TEAD1: variants seen among roughly 807,000 people sequenced by gnomAD.
TEAD1 encodes the protein transcriptional enhancer factor TEF-1.
A neutral mutation model predicts 54.9 loss-of-function variants in TEAD1; 9 were observed. That is an observed-to-expected ratio of 0.16 (90% CI 0.10 to 0.29). The LOEUF (loss-of-function observed/expected upper bound fraction) is 0.29. Among genes scored for constraint, TEAD1 ranks in the 10% least tolerant of loss-of-function variants. The probability of loss-of-function intolerance (pLI) is 1.00; values close to 1 mark genes in which losing one functional copy is unlikely to be tolerated. For synonymous variants in TEAD1, 200 were observed against 187.8 expected (o/e 1.07, Z -0.53); for missense variants, 387 against 535.9 (o/e 0.72, Z 2.74).
chr11:12,721,894 T>C lies in TEAD1; in HGVS notation c.-54-42285T>C, dbSNP rs1466418708. ...CGTATGAGTTTGAGTGTTTGGCAGA[T>C]GTTTGCATGATTCTTAGATCAGTGC... On this transcript the variant is annotated intron_variant, in intron 2 of 12. Coordinates refer to ENST00000527636, the MANE Select transcript of TEAD1 (RefSeq NM_021961.6). Among the ~76,000 whole-genome samples, 6 of 152,204 alleles carry C rather than the reference T, an allele frequency of 3.9e-5. No homozygotes were observed. The South Asian group carries it at 1.0e-3, about 26-fold the overall frequency.
intron 3 of TEAD1, among the ~76,000 whole-genome samples, chr11:12,843,707 TAA>T (rs1479239370): frequency 1.3e-5 from 2 of 152,248 alleles, no homozygotes; most frequent in African/African-American, 4.8e-5. Flanking sequence ...GAGAAAAGAA[TAA>T]AGTTTTAAAA....
At chr11:12,840,801 G>T (rs550175442) in intron 3 of TEAD1, among the ~76,000 whole-genome samples, 1 of 152,190 alleles carries the variant, frequency 6.6e-6, no homozygotes, top group Non-Finnish European at 1.5e-5. Context: ...AGTGGAGTGG[G>T]ATGAGATACC....
intron 2 of TEAD1, among the ~76,000 whole-genome samples, chr11:12,724,987 C>T (rs1440497740): frequency 6.6e-6 from 1 of 152,162 alleles, no homozygotes; most frequent in African/African-American, 2.4e-5. Flanking sequence ...TTGATTTTAG[C>T]CTGGGAGTAC....
At position 12,878,178 on chromosome 11, in the gene TEAD1, C is replaced by T. The variant is rs115158642; in HGVS notation, c.331-1530C>T. ...TAAGCTTTTTGGAAATTCACATTGT[C>T]TTCCTGACAGTTATAGGGCAAAGTA... On this transcript the variant is annotated intron_variant, in intron 5 of 12. Coordinates refer to ENST00000527636, the MANE Select transcript of TEAD1 (RefSeq NM_021961.6). Among the ~76,000 whole-genome samples, 1,039 of 152,212 alleles carry T rather than the reference C, an allele frequency of 6.8e-3. 15 individuals carry two copies. Among genetic ancestry groups the T allele is most frequent in the African/African-American group, 0.024 (981 of 41,524 alleles).
chr11:12,799,980 A>G (rs1284501826), intron 3 of TEAD1, among the ~76,000 whole-genome samples: 1 of 152,198 alleles, frequency 6.6e-6, no homozygotes, highest in Non-Finnish European at 1.5e-5. Flanking sequence ...TGATAGCAAA[A>G]GAGTAAAAAT....
intron 10 of TEAD1, among the ~76,000 whole-genome samples, chr11:12,922,156 A>G (rs2919335): frequency 0.59 from 87,536 of 149,118 alleles, 26,755 homozygotes; most frequent in South Asian, 0.73. Flanking sequence ...TTCTTGGCAC[A>G]TAAGGTGAAA....
At chr11:12,745,656 G>A (rs1252451797) in intron 2 of TEAD1, among the ~76,000 whole-genome samples, 4 of 143,068 alleles carry the variant, frequency 2.8e-5, no homozygotes, top group South Asian at 2.1e-4. Context: ...CTTATAATAC[G>A]TGCAACCCTG....
intron 3 of TEAD1, among the ~76,000 whole-genome samples, chr11:12,807,118 C>T (rs1472820024): frequency 6.6e-6 from 1 of 152,118 alleles, no homozygotes; most frequent in African/African-American, 2.4e-5. Context: ...CAATAAAATC[C>T]CCAAATGTGA....
chr11:12,811,265 G>T (rs555360507), intron 3 of TEAD1, among the ~76,000 whole-genome samples: 16 of 152,276 alleles, frequency 1.1e-4, no homozygotes, highest in African/African-American at 3.6e-4. Flanking sequence ...GTGAGGACAT[G>T]AGTTCTATAT....
rs141546489 is a variant in TEAD1, at chr11:12,897,916, G to A, written c.700-4024G>A. Among the ~76,000 whole-genome samples the A allele has an allele frequency of 8.0e-3, 1,214 of 152,298 alleles. 7 individuals carry two copies. Among genetic ancestry groups the A allele is most frequent in the Non-Finnish European group, 0.013 (857 of 68,014 alleles). ...AGTGTGATTAATGTTTGCAGCAAAC[G>A]CAAGGGCTGTGGTGTTGACAGATCC... On this transcript the variant is annotated intron_variant, in intron 9 of 12. Coordinates refer to ENST00000527636, the MANE Select transcript of TEAD1 (RefSeq NM_021961.6).
Position 12,879,616 on chromosome 11 carries a change from A to G in TEAD1, c.331-92A>G, listed in dbSNP as rs1947925073. 3 of 1,544,868 alleles carry G rather than the reference A, an allele frequency of 1.9e-6. No homozygotes were observed. In the East Asian group the frequency reaches 6.7e-5, roughly 35 times the overall value. Reference sequence around the variant, plus strand: ...TTTTTGGCCTATTTTGTGGCTCTGTATTTTAGTCCATGTGCTCGTGGCTGT... The same window carrying G: ...TTTTTGGCCTATTTTGTGGCTCTGTGTTTTAGTCCATGTGCTCGTGGCTGT... On this transcript the variant is annotated intron_variant, in intron 5 of 12. Transcript: ENST00000527636.
intron 12 of TEAD1, among the ~76,000 whole-genome samples, chr11:12,931,114 A>G (rs1477937266): frequency 1.3e-5 from 2 of 152,174 alleles, no homozygotes; most frequent in African/African-American, 4.8e-5. Flanking sequence ...CAAACAGACA[A>G]AACAAACTTA....
chr11:12,683,349 G>A lies in TEAD1; in HGVS notation c.-55+7788G>A, dbSNP rs566073197. ...TGCATCTCTAGTCCTAAGGATCTGG[G>A]AGGTTATACATTGTGGATGGGTGTT... On this transcript the variant is annotated intron_variant, in intron 2 of 12. Coordinates refer to ENST00000527636, the MANE Select transcript of TEAD1 (RefSeq NM_021961.6). 2.6e-5 allele frequency among the ~76,000 whole-genome samples: 4 copies of A among 152,316 alleles called. No individual in the cohort carries two copies. The East Asian group carries it at 7.7e-4, about 29-fold the overall frequency.
At chr11:12,681,477 A>G (rs1194856033) in intron 2 of TEAD1, among the ~76,000 whole-genome samples, 2 of 152,216 alleles carry the variant, frequency 1.3e-5, no homozygotes, top group Non-Finnish European at 2.9e-5. Flanking sequence ...AGCTTCCTTC[A>G]TGCTTAGAAC....
chr11:12,700,467 A>G (rs1943675437), intron 2 of TEAD1, among the ~76,000 whole-genome samples: 1 of 152,246 alleles, frequency 6.6e-6, no homozygotes, highest in South Asian at 2.1e-4. Flanking sequence ...GAGAAACCAA[A>G]TCATAAACAT....
intron 3 of TEAD1, among the ~76,000 whole-genome samples, chr11:12,796,819 T>G (rs1186620713): frequency 6.6e-6 from 1 of 150,712 alleles, no homozygotes; most frequent in African/African-American, 2.4e-5. Context: ...CCCCTTAATA[T>G]CTACAGATGT....
At chr11:12,892,225 T>A (rs1313569055) in intron 9 of TEAD1, among the ~76,000 whole-genome samples, 2 of 152,178 alleles carry the variant, frequency 1.3e-5, no homozygotes, top group Non-Finnish European at 2.9e-5. Context: ...CACAGATCCT[T>A]TCTTGGTTTG....
chr11:12,840,129 C>T (rs1590201631), intron 3 of TEAD1, among the ~76,000 whole-genome samples: 1 of 151,656 alleles, frequency 6.6e-6, no homozygotes, highest in Non-Finnish European at 1.5e-5. Context: ...CGCCTGTAGT[C>T]CCAGCTACTT....
intron 3 of TEAD1, among the ~76,000 whole-genome samples, chr11:12,773,637 T>C (rs895099798): frequency 2.6e-5 from 4 of 152,244 alleles, no homozygotes; most frequent in Admixed American, 2.6e-4. Context: ...TGTTGTGTTT[T>C]TGGAATTCTT....
Sources: allele counts gnomAD v4.1 joint callset (sites outside exome capture counted in the v4.1 genomes callset), GRCh38; gene constraint gnomAD v4.1.1; transcripts MANE v1.5; gene names NCBI Gene and HGNC (gene_info 2026-07-23, HGNC 2026-07-21).